Variants in CTNNA3 observed in about 807,000 individuals in gnomAD.
CTNNA3 encodes catenin alpha 3, also known as catenin alpha-3.
CTNNA3 carries 76 observed loss-of-function variants against 95.7 expected under a neutral mutation model. The ratio of observed to expected loss-of-function variants is 0.79; its 90% confidence interval spans 0.66 to 0.96. The LOEUF is 0.96. CTNNA3 is among the 40% of genes least tolerant of loss of function. CTNNA3 has a pLI of 0.00. For missense variants in CTNNA3, 1,191 were observed against 1,089.8 expected (o/e 1.09, Z -1.31); for synonymous variants, 431 against 374.4 (o/e 1.15, Z -1.74).
intron 5 of CTNNA3, among the ~76,000 whole-genome samples, chr10:67,237,434 G>C (rs1865537027): frequency 6.6e-6 from 1 of 151,316 alleles, no homozygotes; most frequent in African/African-American, 2.4e-5. Flanking sequence ...ATGGCGCAGT[G>C]TATACCGCTC....
intron 7 of CTNNA3, among the ~76,000 whole-genome samples, chr10:67,006,143 C>T (rs1851974159): frequency 2.0e-5 from 3 of 152,080 alleles, no homozygotes; most frequent in Admixed American, 2.0e-4. Context: ...AACTCCTGTG[C>T]CTGTTTCTTG....
At chr10:66,603,558 G>C (rs1281749792) in intron 10 of CTNNA3, among the ~76,000 whole-genome samples, 1 of 151,992 alleles carries the variant, frequency 6.6e-6, no homozygotes, top group Non-Finnish European at 1.5e-5. Context: ...AAATATTAAT[G>C]ATATTCTTCA....
intron 7 of CTNNA3, among the ~76,000 whole-genome samples, chr10:66,853,655 A>C (rs528812386): frequency 6.6e-6 from 1 of 152,180 alleles, no homozygotes; most frequent in Non-Finnish European, 1.5e-5. Flanking sequence ...GTGATATCTA[A>C]AGCAAACAGA....
intron 5 of CTNNA3, among the ~76,000 whole-genome samples, chr10:67,481,016 G>T (rs1848203505): frequency 6.6e-6 from 1 of 152,162 alleles, no homozygotes; most frequent in Non-Finnish European, 1.5e-5. Context: ...AGCAGTGTTA[G>T]ATTTTATTAA....
At chr10:67,284,645 T>A (rs1032396318) in intron 5 of CTNNA3, among the ~76,000 whole-genome samples, 6 of 152,226 alleles carry the variant, frequency 3.9e-5, no homozygotes, top group Non-Finnish European at 7.3e-5. Context: ...ATCATTTTTT[T>A]ATCTAAGCCA....
chr10:67,456,269 A>G (rs187573108), intron 5 of CTNNA3, among the ~76,000 whole-genome samples: 3 of 152,334 alleles, frequency 2.0e-5, no homozygotes, highest in African/African-American at 7.2e-5. Context: ...CCATGGGAAC[A>G]ATTTTTCATT....
At chr10:66,161,327 GAT>G (rs978073634) in intron 13 of CTNNA3, among the ~76,000 whole-genome samples, 1 of 152,124 alleles carries the variant, frequency 6.6e-6, no homozygotes, top group Non-Finnish European at 1.5e-5. Flanking sequence ...GTTCTGTTTT[GAT>G]ATGTTTCCAG....
At chr10:66,117,511 G>A (rs1377110194) in intron 13 of CTNNA3, among the ~76,000 whole-genome samples, 1 of 152,120 alleles carries the variant, frequency 6.6e-6, no homozygotes, top group Non-Finnish European at 1.5e-5. Context: ...ATATTTTGTT[G>A]TTGAGTAATG....
At chr10:67,556,736 T>C (rs1455454144) in intron 3 of CTNNA3, among the ~76,000 whole-genome samples, 3 of 152,228 alleles carry the variant, frequency 2.0e-5, no homozygotes, top group Non-Finnish European at 4.4e-5. Context: ...TTGAAGGGTT[T>C]TTTGTGTCTC....
chr10:66,530,902 G>C (rs555954022), intron 10 of CTNNA3, among the ~76,000 whole-genome samples: 2 of 152,086 alleles, frequency 1.3e-5, no homozygotes, highest in East Asian at 1.9e-4. Context: ...TGGGAGGATA[G>C]AGCTTTCTGT....
chr10:67,310,310 C>T (rs1307044962), intron 5 of CTNNA3, among the ~76,000 whole-genome samples: 1 of 152,032 alleles, frequency 6.6e-6, no homozygotes, highest in African/African-American at 2.4e-5. Context: ...AAATTACTAC[C>T]CCTAAGTAAT....
chr10:66,891,508 G>T (rs1845268472), intron 7 of CTNNA3, among the ~76,000 whole-genome samples: 1 of 152,032 alleles, frequency 6.6e-6, no homozygotes, highest in African/African-American at 2.4e-5. Flanking sequence ...TTCAAACTTT[G>T]TCTTCACTGT....
intron 15 of CTNNA3, among the ~76,000 whole-genome samples, chr10:66,026,578 G>T (rs763957483): frequency 2.0e-5 from 3 of 152,114 alleles, no homozygotes; most frequent in Admixed American, 6.5e-5. Flanking sequence ...TTGGCATTCT[G>T]CTAGGCCCTA....
intron 3 of CTNNA3, among the ~76,000 whole-genome samples, chr10:67,588,417 T>TTG (rs1356552872): frequency 2.0e-5 from 3 of 152,006 alleles, no homozygotes; most frequent in Admixed American, 6.6e-5. Context: ...TTGGCTTTGC[T>TTG]TGTGTGTGTG....
intron 14 of CTNNA3, chr10:66,084,886 C>T (rs2080921949): frequency 6.6e-6 from 1 of 152,004 alleles, no homozygotes; most frequent in African/African-American, 2.4e-5. Context: ...ATGTAACAAA[C>T]TTGAGATCTT....
At chr10:66,650,662 G>A (rs1002996646) in intron 9 of CTNNA3, among the ~76,000 whole-genome samples, 7 of 152,058 alleles carry the variant, frequency 4.6e-5, no homozygotes, top group Non-Finnish European at 1.0e-4. Flanking sequence ...TGGTGGGTTC[G>A]TGGTCTCGCT....
chr10:66,095,683 A>G (rs1456572209), intron 14 of CTNNA3, among the ~76,000 whole-genome samples: 1 of 152,092 alleles, frequency 6.6e-6, no homozygotes, highest in Non-Finnish European at 1.5e-5. Context: ...CCTATCACCA[A>G]CATAAAGTTT....
intron 5 of CTNNA3, among the ~76,000 whole-genome samples, chr10:67,392,903 T>C (rs185620516): frequency 6.6e-5 from 10 of 151,828 alleles, no homozygotes; most frequent in Admixed American, 5.9e-4. Context: ...CTGGGGACTG[T>C]TGTGGGGTGG....
At chr10:66,006,938 G>A (rs1211051478) in intron 15 of CTNNA3, among the ~76,000 whole-genome samples, 10 of 152,106 alleles carry the variant, frequency 6.6e-5, no homozygotes, top group Non-Finnish European at 4.4e-5. Flanking sequence ...GTTAGTTCAA[G>A]GGTCTGCCTT....
Sources: gnomAD v4.1 joint callset for allele counts (sites outside exome capture counted in the v4.1 genomes callset) on GRCh38, gnomAD v4.1.1 for gene constraint, MANE v1.5 for transcripts, NCBI Gene and HGNC (gene_info 2026-07-23, HGNC 2026-07-21) for gene names.